Variants in PRTFDC1 observed in about 807,000 individuals in gnomAD.
PRTFDC1 encodes the protein phosphoribosyltransferase domain-containing protein 1.
PRTFDC1 carries 38 observed loss-of-function variants against 34.6 expected under a neutral mutation model. That is an observed-to-expected ratio of 1.10 (90% CI 0.85 to 1.44). The LOEUF (loss-of-function observed/expected upper bound fraction) is 1.44. Among genes scored for constraint, PRTFDC1 ranks in the 40% most tolerant of loss-of-function variants. PRTFDC1 has a pLI of 0.00. For synonymous variants in PRTFDC1, 93 were observed against 98.1 expected, an observed-to-expected ratio of 0.95 and a Z score of 0.31; for missense variants, 270 against 283.0, an observed-to-expected ratio of 0.95 and a Z score of 0.33.
At chr10:24,903,054 TG>T (rs1301330086) in intron 3 of PRTFDC1, among the ~76,000 whole-genome samples, 1 of 151,970 alleles carries the variant, frequency 6.6e-6, no homozygotes, top group Non-Finnish European at 1.5e-5. Context: ...AAAAATTAGC[TG>T]GGTGTGGTGG....
chr10:24,860,642 T>C (rs904873914), intron 4 of PRTFDC1, among the ~76,000 whole-genome samples: 5 of 152,116 alleles, frequency 3.3e-5, no homozygotes, highest in African/African-American at 1.2e-4. Flanking sequence ...TAAGATTATT[T>C]TGTCCATTTT....
chr10:24,946,539 G>A (rs1849253773), intron 1 of PRTFDC1, among the ~76,000 whole-genome samples: 1 of 152,124 alleles, frequency 6.6e-6, no homozygotes, highest in Non-Finnish European at 1.5e-5. Context: ...TTAAGAGCAT[G>A]GACATGGAAA....
At chr10:24,923,923 G>A (rs1160680142) in intron 3 of PRTFDC1, among the ~76,000 whole-genome samples, 1 of 152,164 alleles carries the variant, frequency 6.6e-6, no homozygotes, top group Non-Finnish European at 1.5e-5. Context: ...TAGATAAATG[G>A]CTAACTAGAA....
chr10:24,945,703 C>T (rs1849241430), intron 1 of PRTFDC1, among the ~76,000 whole-genome samples: 1 of 152,242 alleles, frequency 6.6e-6, no homozygotes, highest in Non-Finnish European at 1.5e-5. Flanking sequence ...GGGATCCTCC[C>T]ACCTTGGCCT....
At chr10:24,890,383 G>A (rs16925127) in intron 3 of PRTFDC1, among the ~76,000 whole-genome samples, 5,220 of 152,274 alleles carry the variant, frequency 0.034, 153 homozygotes, top group East Asian at 0.16. Context: ...TGCATACTGG[G>A]CAACTGCTGA....
At chr10:24,863,396 G>C (rs979270481) in intron 4 of PRTFDC1, among the ~76,000 whole-genome samples, 2 of 152,120 alleles carry the variant, frequency 1.3e-5, no homozygotes, top group Non-Finnish European at 2.9e-5. Flanking sequence ...GGCCATTCTT[G>C]AGACCTACTG....
chr10:24,891,346 C>T (rs16925135), intron 3 of PRTFDC1, among the ~76,000 whole-genome samples: 14,097 of 152,024 alleles, frequency 0.093, 672 homozygotes, highest in Middle Eastern at 0.2. Flanking sequence ...ATAACAAAAC[C>T]TTGCTTTTTA....
chr10:24,883,072 ATTT>A (rs1848107048), intron 3 of PRTFDC1, among the ~76,000 whole-genome samples: 2 of 147,558 alleles, frequency 1.4e-5, no homozygotes, highest in Non-Finnish European at 3.0e-5. Context: ...ATATACCAAT[ATTT>A]ATATATAAAC....
chr10:24,938,751 G>A (rs1849095627), intron 2 of PRTFDC1, among the ~76,000 whole-genome samples: 1 of 152,234 alleles, frequency 6.6e-6, no homozygotes, highest in African/African-American at 2.4e-5. Context: ...GCACAGCAGA[G>A]TGAGTTCAAG....
intron 3 of PRTFDC1, among the ~76,000 whole-genome samples, chr10:24,902,386 G>A (rs1848464671): frequency 6.6e-6 from 1 of 152,136 alleles, no homozygotes; most frequent in African/African-American, 2.4e-5. Context: ...GTAACCTTCA[G>A]TACAGTTGAT....
At chr10:24,887,786 G>A (rs1280179270) in intron 3 of PRTFDC1, among the ~76,000 whole-genome samples, 2 of 152,056 alleles carry the variant, frequency 1.3e-5, no homozygotes, top group Non-Finnish European at 2.9e-5. Context: ...CACAACTGTA[G>A]GCCAGAAGTG....
intron 3 of PRTFDC1, among the ~76,000 whole-genome samples, chr10:24,880,670 T>C (rs899322552): frequency 2.6e-5 from 4 of 152,212 alleles, no homozygotes; most frequent in Admixed American, 2.0e-4. Flanking sequence ...AATCTATTGA[T>C]TGGCTATCAC....
chr10:24,928,475 G>A (rs796704231), intron 3 of PRTFDC1, among the ~76,000 whole-genome samples: 11 of 152,114 alleles, frequency 7.2e-5, no homozygotes, highest in African/African-American at 2.7e-4. Flanking sequence ...ACAGAGTCTC[G>A]CTCTGTTGCC....
chr10:24,941,298 T>A (rs1849153928), intron 2 of PRTFDC1, among the ~76,000 whole-genome samples: 1 of 151,984 alleles, frequency 6.6e-6, no homozygotes, highest in Non-Finnish European at 1.5e-5. Flanking sequence ...CAAACAGTCC[T>A]CTTGCCTCAG....
chr10:24,888,010 T>A (rs1204488613), intron 3 of PRTFDC1, among the ~76,000 whole-genome samples: 2 of 152,188 alleles, frequency 1.3e-5, no homozygotes, highest in African/African-American at 2.4e-5. Context: ...ATCCTCCTGC[T>A]TCAGCCTCCT....
At chr10:24,913,848 T>C (rs1256355002) in intron 3 of PRTFDC1, among the ~76,000 whole-genome samples, 1 of 152,220 alleles carries the variant, frequency 6.6e-6, no homozygotes, top group Non-Finnish European at 1.5e-5. Context: ...CTTTGAGTCT[T>C]ATGTGGAGAA....
At chr10:24,897,108 G>A (rs762605161) in intron 3 of PRTFDC1, among the ~76,000 whole-genome samples, 4 of 152,144 alleles carry the variant, frequency 2.6e-5, no homozygotes, top group Non-Finnish European at 5.9e-5. Flanking sequence ...CACTCAGGAG[G>A]CTGAGGTGGG....
chr10:24,920,493 G>T (rs1368036724), intron 3 of PRTFDC1, among the ~76,000 whole-genome samples: 1 of 152,050 alleles, frequency 6.6e-6, no homozygotes, highest in African/African-American at 2.4e-5. Context: ...GAGAACACAT[G>T]GACACAAGGA....
intron 4 of PRTFDC1, among the ~76,000 whole-genome samples, chr10:24,861,143 T>C (rs1847673962): frequency 6.6e-6 from 1 of 152,170 alleles, no homozygotes; most frequent in Non-Finnish European, 1.5e-5. Flanking sequence ...TTGAGAGATA[T>C]TGAAAGACAC....
Sources: gnomAD v4.1 joint callset for allele counts (sites outside exome capture counted in the v4.1 genomes callset) on GRCh38, gnomAD v4.1.1 for gene constraint, MANE v1.5 for transcripts, NCBI Gene and HGNC (gene_info 2026-07-23, HGNC 2026-07-21) for gene names.